ARHGAP15: variants seen among roughly 807,000 people sequenced by gnomAD.
ARHGAP15 encodes the protein Rho GTPase activating protein 15, also known as rho GTPase-activating protein 15.
In ARHGAP15, 51 loss-of-function variants were observed where a neutral mutation model predicts 63.7. The observed-to-expected ratio is 0.80, with a 90% CI of 0.64 to 1.01. The LOEUF (loss-of-function observed/expected upper bound fraction) is 1.01, where lower values mean the gene tolerates loss of function less well. ARHGAP15 is among the 50% of genes least tolerant of loss of function. The pLI is 0.00. For synonymous variants in ARHGAP15, 191 were observed against 193.8 expected, an observed-to-expected ratio of 0.99 and a Z score of 0.12; for missense variants, 560 against 564.6, an observed-to-expected ratio of 0.99 and a Z score of 0.08.
At chr2:143,527,330 C>T (rs1439506250) in intron 10 of ARHGAP15, among the ~76,000 whole-genome samples, 2 of 152,080 alleles carry the variant, frequency 1.3e-5, no homozygotes, top group African/African-American at 2.4e-5. Context: ...TTAGAGATTC[C>T]TCTAAATTCT....
intron 12 of ARHGAP15, among the ~76,000 whole-genome samples, chr2:143,687,075 G>A (rs1209782659): frequency 6.6e-6 from 1 of 152,098 alleles, no homozygotes; most frequent in Non-Finnish European, 1.5e-5. Flanking sequence ...GAACAATTGA[G>A]GCAAAATTAA....
At chr2:143,153,893 C>A (rs1689974079) in intron 1 of ARHGAP15, among the ~76,000 whole-genome samples, 1 of 104,348 alleles carries the variant, frequency 9.6e-6, no homozygotes, top group African/African-American at 3.0e-5. Flanking sequence ...TCCTCCTCCT[C>A]CTCCTCCTAT....
chr2:143,535,994 G>T (rs542913918), intron 10 of ARHGAP15, among the ~76,000 whole-genome samples: 4 of 151,896 alleles, frequency 2.6e-5, no homozygotes, highest in African/African-American at 9.7e-5. Context: ...TATAGATATT[G>T]TGTAATAGTT....
intron 11 of ARHGAP15, among the ~76,000 whole-genome samples, chr2:143,571,214 G>T (rs1034435251): frequency 6.6e-6 from 1 of 152,132 alleles, no homozygotes; most frequent in Non-Finnish European, 1.5e-5. Flanking sequence ...CTACATTATG[G>T]TGAGCATGTA....
intron 1 of ARHGAP15, among the ~76,000 whole-genome samples, chr2:143,151,949 A>G (rs543988577): frequency 3.9e-5 from 6 of 152,062 alleles, no homozygotes; most frequent in Non-Finnish European, 7.4e-5. Context: ...TTAGATTTCC[A>G]TCCTCAACTG....
intron 9 of ARHGAP15, among the ~76,000 whole-genome samples, chr2:143,513,189 C>T (rs1693664415): frequency 1.3e-5 from 2 of 152,118 alleles, no homozygotes; most frequent in African/African-American, 2.4e-5. Flanking sequence ...AGTGAAATTC[C>T]AGATGTCTAG....
intron 12 of ARHGAP15, among the ~76,000 whole-genome samples, chr2:143,625,919 G>A (rs1181274467): frequency 6.6e-6 from 1 of 152,090 alleles, no homozygotes; most frequent in Non-Finnish European, 1.5e-5. Flanking sequence ...CATCATTTAA[G>A]CTTCCTTTAG....
chr2:143,607,968 A>C (rs994680786), intron 11 of ARHGAP15: 1 of 152,188 alleles, frequency 6.6e-6, no homozygotes, highest in Non-Finnish European at 1.5e-5. Flanking sequence ...GCATATTATC[A>C]TGCTGACATA....
At chr2:143,582,117 C>A (rs1416121107) in intron 11 of ARHGAP15, among the ~76,000 whole-genome samples, 2 of 152,170 alleles carry the variant, frequency 1.3e-5, no homozygotes, top group East Asian at 3.9e-4. Flanking sequence ...ATGTTTCAAA[C>A]CCCCATACCT....
At chr2:143,525,962 ACT>A (rs1463078955) in intron 10 of ARHGAP15, among the ~76,000 whole-genome samples, 1 of 152,152 alleles carries the variant, frequency 6.6e-6, no homozygotes, top group African/African-American at 2.4e-5. Context: ...GAGAAGACAA[ACT>A]AGTGAAAACA....
chr2:143,193,301 G>A (rs570874576), intron 2 of ARHGAP15: 6 of 152,790 alleles, frequency 3.9e-5, no homozygotes, highest in Non-Finnish European at 7.3e-5. Flanking sequence ...TGAGCAGATG[G>A]GCATGGAAGT....
At chr2:143,421,824 T>C (rs894809996) in intron 6 of ARHGAP15, among the ~76,000 whole-genome samples, 1 of 150,794 alleles carries the variant, frequency 6.6e-6, no homozygotes, top group African/African-American at 2.4e-5. Flanking sequence ...TTATTATACA[T>C]TGAATAATAG....
chr2:143,341,362 C>G (rs980851045), intron 6 of ARHGAP15, among the ~76,000 whole-genome samples: 1 of 152,144 alleles, frequency 6.6e-6, no homozygotes, highest in African/African-American at 2.4e-5. Flanking sequence ...TAGGATTTCA[C>G]TGATATAACA....
At chr2:143,650,427 T>C (rs1681102789) in intron 12 of ARHGAP15, among the ~76,000 whole-genome samples, 1 of 151,938 alleles carries the variant, frequency 6.6e-6, no homozygotes, top group African/African-American at 2.4e-5. Flanking sequence ...TTGAATTAAC[T>C]AACCTGTAAT....
At chr2:143,590,248 CTG>C (rs1697267902) in intron 11 of ARHGAP15, among the ~76,000 whole-genome samples, 1 of 152,184 alleles carries the variant, frequency 6.6e-6, no homozygotes, top group Non-Finnish European at 1.5e-5. Flanking sequence ...GGCAAAATTT[CTG>C]TTTCTCTTTA....
chr2:143,741,913 T>C (rs1685977186), intron 13 of ARHGAP15, among the ~76,000 whole-genome samples: 1 of 152,242 alleles, frequency 6.6e-6, no homozygotes, highest in Admixed American at 6.5e-5. Context: ...ATGATCTTAT[T>C]TTCCCTTCTA....
At chr2:143,566,350 T>G (rs1430650421) in intron 11 of ARHGAP15, among the ~76,000 whole-genome samples, 1 of 152,130 alleles carries the variant, frequency 6.6e-6, no homozygotes, top group Non-Finnish European at 1.5e-5. Flanking sequence ...TTTTGGCTTT[T>G]ACAGCATTCA....
chr2:143,547,901 C>T (rs773940332), intron 10 of ARHGAP15, among the ~76,000 whole-genome samples: 7 of 152,068 alleles, frequency 4.6e-5, no homozygotes, highest in Non-Finnish European at 7.4e-5. Context: ...TCCTCCCACA[C>T]GTCTCCCTAC....
chr2:143,230,804 A>G (rs1558828792), intron 5 of ARHGAP15, among the ~76,000 whole-genome samples: 1 of 152,154 alleles, frequency 6.6e-6, no homozygotes, highest in African/African-American at 2.4e-5. Flanking sequence ...TTTATTTTGA[A>G]AGAGATTTAT....
Sources: gnomAD v4.1 joint callset for allele counts (sites outside exome capture counted in the v4.1 genomes callset) on GRCh38, gnomAD v4.1.1 for gene constraint, MANE v1.5 for transcripts, NCBI Gene and HGNC (gene_info 2026-07-23, HGNC 2026-07-21) for gene names.